Variants in BRME1 observed in about 807,000 individuals in gnomAD.
The protein encoded by BRME1 is break repair meiotic recombinase recruitment factor 1, also known as BRCA2 and MEILB2-associating protein 1.
BRME1 carries 31 observed loss-of-function variants against 52.6 expected under a neutral mutation model. That is an observed-to-expected ratio of 0.59 (90% CI 0.44 to 0.80). The LOEUF is 0.80. Among genes scored for constraint, BRME1 ranks in the 30% least tolerant of loss-of-function variants. The probability of loss-of-function intolerance (pLI) is 0.00; values close to 1 mark genes in which losing one functional copy is unlikely to be tolerated. For missense variants in BRME1, 804 were observed against 860.3 expected (o/e 0.93, Z 0.82); for synonymous variants, 359 against 353.6 (o/e 1.02, Z -0.17).
chr19:13,901,997 T>C (rs1157148970), intron 2 of BRME1, among the ~76,000 whole-genome samples: 1 of 151,222 alleles, frequency 6.6e-6, no homozygotes, highest in East Asian at 1.9e-4. Flanking sequence ...GCTATGATTG[T>C]GCCACTGCTC....
chr19:13,895,654 G>A (rs1969838127), intron 2 of BRME1, 108 bp from the exon 3 acceptor site: 22 of 953,968 alleles, frequency 2.3e-5, no homozygotes, highest in South Asian at 2.1e-4. Flanking sequence ...AGAAGGGGCC[G>A]AATCCATTTC....
chr19:13,895,328 G>C (rs769642688), intron 3 of BRME1, 44 bp downstream of exon 3: 10 of 1,581,332 alleles, frequency 6.3e-6, no homozygotes, highest in Non-Finnish European at 8.6e-6. Flanking sequence ...GTGCTATGTG[G>C]ACTGTCAGTG....
At chr19:13,900,553 A>C (rs1599355001) in intron 2 of BRME1, among the ~76,000 whole-genome samples, 1 of 152,194 alleles carries the variant, frequency 6.6e-6, no homozygotes, top group South Asian at 2.1e-4. Flanking sequence ...AAACATGCAC[A>C]CCATTCCCTA....
At position 13,888,363 on chromosome 19, in the gene BRME1, C is replaced by T. The variant is rs1452106441; in HGVS notation, c.1668+825G>A. On this transcript the variant is annotated intron_variant, in intron 6 of 8. Coordinates refer to ENST00000586783, the MANE Select transcript of BRME1 (RefSeq NM_001345843.2). The surrounding 1 kb of genome is among the most constrained non-coding windows in gnomAD (Gnocchi z 4.1). ...CCTCCTCCCCTCCCACCTGCCTCACCTCTAGCAGGCGCACGAACTCCTCCA... is the reference window on the plus strand; with the variant it reads ...CCTCCTCCCCTCCCACCTGCCTCACTTCTAGCAGGCGCACGAACTCCTCCA... The T allele has an allele frequency of 1.3e-5, 2 of 152,520 alleles. No individual in the cohort carries two copies. Among genetic ancestry groups the T allele is most frequent in the African/African-American group, 2.4e-5 (1 of 41,470 alleles). The allele number at this position is 152,520 out of a possible 1,614,324, so 9.4% of individuals were successfully genotyped here. A position where few individuals can be genotyped will look rare whatever the true frequency, so the allele number is the denominator to read the frequency against.
chr19:13,889,963 C>T lies in BRME1; in HGVS notation c.893G>A (p.Cys298Tyr), dbSNP rs767577795. ...PAPGLGPASWCLEPGSVAQGS... is the reference protein window; with the variant it reads ...PAPGLGPASWYLEPGSVAQGS... ...CTGGGCCACAGACCCGGGTTCCAGG[C>T]ACCAAGAGGCAGGGCCCAGTCCTGG... is the stretch of plus-strand genomic sequence containing the variant. The change falls in exon 6 of 9, where the codon TGC becomes TAC. Residue 298 changes from cysteine (C) to tyrosine (Y), a missense_variant. Physicochemically the swap from Cys to Tyr is radical, Grantham distance 194. This residue lies in a region of BRME1 where 552 missense variants were observed against 561.1 expected (regional missense o/e 0.98). Transcript: ENST00000586783. The T allele has an allele frequency of 8.1e-6, 13 of 1,612,568 alleles. No individual in the cohort carries two copies. The South Asian group carries it at 1.1e-4, about 14-fold the overall frequency.
intron 2 of BRME1, among the ~76,000 whole-genome samples, chr19:13,898,054 G>T (rs7258085): frequency 6.6e-6 from 1 of 151,372 alleles, no homozygotes; most frequent in Non-Finnish European, 1.5e-5. Context: ...AGCCAAGATG[G>T]CGCCACTGCA....
At chr19:13,901,718 A>G (rs1970309201) in intron 2 of BRME1, among the ~76,000 whole-genome samples, 1 of 149,932 alleles carries the variant, frequency 6.7e-6, no homozygotes, top group African/African-American at 2.5e-5. Context: ...AAAAGAAAAA[A>G]GCTCAACACT....
intron 2 of BRME1, among the ~76,000 whole-genome samples, chr19:13,903,965 C>T (rs1428624996): frequency 1.3e-5 from 2 of 152,110 alleles, no homozygotes; most frequent in Non-Finnish European, 2.9e-5. Flanking sequence ...GGACTGGTTC[C>T]GCAGGGAGGC....
intron 3 of BRME1, 70 bp from the exon 4 acceptor site, chr19:13,893,293 C>G (rs758992457): frequency 5.2e-5 from 71 of 1,366,856 alleles, no homozygotes; most frequent in Non-Finnish European, 6.6e-5. Context: ...AATTGCAGCA[C>G]TTTGGGCGGC....
chr19:13,892,693 G>T, intron 5 of BRME1, 93 bp downstream of exon 5: 2 of 978,800 alleles, frequency 2.0e-6, no homozygotes, highest in Non-Finnish European at 1.6e-6. Context: ...CCTCACCATT[G>T]CCAAAGAACT....
rs769178284 is a variant in BRME1, at chr19:13,889,300, G to T, written c.1556C>A (p.Ser519Tyr). The change falls in exon 6 of 9, where the codon TCT becomes TAT. Residue 519 changes from serine to tyrosine, a missense_variant. Physicochemically the swap from Ser to Tyr is moderately radical, Grantham distance 144 (BLOSUM62 -2). Transcript: ENST00000586783. The stretch of plus-strand genomic sequence containing the variant: ...GTCTGCCCAGGTGCCCTGGTCTGCA[G>T]AATGAGGCAGGTGGTCTCGCTGCCC... ...LAGQRDHLPH[S>Y]ADQGTWADSL... is the part of the protein sequence containing the mutation. 1.3e-4 allele frequency: 209 copies of T among 1,614,036 alleles called. No individual in the cohort carries two copies. The highest frequency in any genetic ancestry group is 1.7e-4 in the Non-Finnish European group (196 of 1,180,040).
At chr19:13,902,041 GA>G (rs1446654463) in intron 2 of BRME1, among the ~76,000 whole-genome samples, 1 of 144,914 alleles carries the variant, frequency 6.9e-6, no homozygotes, top group Admixed American at 7.0e-5. Context: ...ACTCTGTCTC[GA>G]AAAAAAGAAA....
intron 2 of BRME1, among the ~76,000 whole-genome samples, chr19:13,898,792 T>C (rs1321143237): frequency 1.4e-5 from 2 of 144,952 alleles, no homozygotes; most frequent in Non-Finnish European, 3.0e-5. Context: ...GCATGGTGGC[T>C]CATGCCTGTA....
chr19:13,901,634 G>A (rs539567006), intron 2 of BRME1, among the ~76,000 whole-genome samples: 1 of 151,726 alleles, frequency 6.6e-6, no homozygotes, highest in South Asian at 2.1e-4. Flanking sequence ...AGGAGGCAGA[G>A]GTTACAGTGA....
In BRME1 at chr19:13,890,287, T is replaced by A. The variant is rs759850697; in HGVS notation, c.569A>T (p.Gln190Leu). 2.1e-5 allele frequency: 34 copies of A among 1,612,206 alleles called. No individual in the cohort carries two copies. The African/African-American group carries it at 4.1e-4, about 20-fold the overall frequency. ...VQAVPGSGDSQPDDPPDRGTG... is the reference protein window; with the variant it reads ...VQAVPGSGDSLPDDPPDRGTG... ...CCCCCTGTCTGGAGGGTCATCAGGC[T>A]GAGAATCCCCACTGCCGGGCACCGC... The change falls in exon 6 of 9, where the codon CAG (glutamine) becomes CTG (leucine). Residue 190 changes from glutamine (Q) to leucine (L), a missense_variant. By Grantham distance (113) the Gln-to-Leu change is moderately radical. Around this residue, in one of 3 missense-constraint regions of BRME1, gnomAD observed 234 missense variants for 258.1 expected, o/e 0.91. Coordinates refer to ENST00000586783, the MANE Select transcript of BRME1 (RefSeq NM_001345843.2).
In BRME1 at chr19:13,893,101, A is replaced by G. The variant is rs372887664; in HGVS notation, c.288+41T>C. On this transcript the variant is annotated intron_variant, in intron 4 of 8. Transcript: ENST00000586783. ...ACAGAGCCGGAACTTTAAGGGAGGC[A>G]GTGGTGCTTCTATATCCACGAGGCC... is the stretch of plus-strand genomic sequence containing the variant. The G allele has an allele frequency of 1.1e-5, 17 of 1,543,830 alleles. No homozygotes were observed. The African/African-American group carries it at 2.2e-4, about 20-fold the overall frequency.
Position 13,889,803 on chromosome 19 carries a change from C to A in BRME1, c.1053G>T (p.Glu351Asp), listed in dbSNP as rs983428153. Residue 351 changes from glutamate (E) to aspartate (D), a missense_variant, in exon 6 of 9, where the codon GAG becomes GAT. By Grantham distance (45) the Glu-to-Asp change is conservative. Transcript: ENST00000586783. ...CGGGCCCAGCCACCTCCAGAGCCCT[C>A]TCTTCCAGCTCAGTGGGGTCTGTGC... ...DLSTDPTELE[E>D]RALEVAGPDG... 1 of 1,612,992 alleles carries A rather than the reference C, an allele frequency of 6.2e-7. No individual in the cohort carries two copies. The highest frequency in any genetic ancestry group is 8.5e-7 in the Non-Finnish European group (1 of 1,179,944).
intron 5 of BRME1, 142 bp from the exon 6 acceptor site, chr19:13,890,604 C>T (rs1969418593): frequency 2.9e-6 from 2 of 691,016 alleles, no homozygotes; most frequent in Middle Eastern, 5.7e-4. Flanking sequence ...ATGGCTCATG[C>T]CTGTAATCCC....
Position 13,889,345 on chromosome 19 carries a change from T to A in BRME1, c.1511A>T (p.Asp504Val). 6.2e-7 allele frequency: 1 copy of A among 1,614,028 alleles called. No homozygotes were observed. Among genetic ancestry groups the A allele is most frequent in the Non-Finnish European group, 8.5e-7 (1 of 1,179,988 alleles). The change falls in exon 6 of 9, where the codon GAC becomes GTC. Residue 504 changes from aspartate to valine, a missense_variant. Asp to Val is a radical substitution (Grantham distance 152, BLOSUM62 -3). Coordinates refer to ENST00000586783, the MANE Select transcript of BRME1 (RefSeq NM_001345843.2). ...QEPGAQQGIPDTTSELAGQRD... is the reference protein window; with the variant it reads ...QEPGAQQGIPVTTSELAGQRD... ...CTGCCCTGCCAGCTCTGAGGTGGTG[T>A]CTGGAATGCCCTGCTGAGCCCCGGG...
Sources: allele counts gnomAD v4.1 joint callset (sites outside exome capture counted in the v4.1 genomes callset), GRCh38; gene constraint gnomAD v4.1.1; regional missense constraint gnomAD v4.1.1; non-coding constraint Gnocchi (gnomAD v3.1); transcripts MANE v1.5; gene names NCBI Gene and HGNC (gene_info 2026-07-23, HGNC 2026-07-21).